MS4A5: variants seen among roughly 807,000 people sequenced by gnomAD.
MS4A5 encodes the protein membrane spanning 4-domains A5.
In MS4A5, 15 loss-of-function variants were observed where a neutral mutation model predicts 18.2. The observed-to-expected ratio is 0.83, with a 90% CI of 0.55 to 1.27. The LOEUF (loss-of-function observed/expected upper bound fraction) is 1.27. MS4A5 is among the 50% of genes most tolerant of loss of function. The pLI is 0.00. For synonymous variants in MS4A5, 89 were observed against 78.7 expected (o/e 1.13, Z -0.69); for missense variants, 232 against 225.7 (o/e 1.03, Z -0.18).
At chr11:60,438,361 G>T (rs2086092232) in intron 4 of MS4A5, among the ~76,000 whole-genome samples, 1 of 152,122 alleles carries the variant, frequency 6.6e-6, no homozygotes, top group Admixed American at 6.5e-5. Context: ...ACAATTAAAA[G>T]AACTAGACAA....
chr11:60,441,541 T>A (rs10897064), intron 4 of MS4A5, among the ~76,000 whole-genome samples: 83,935 of 145,828 alleles, frequency 0.58, 24,386 homozygotes, highest in Middle Eastern at 0.75. Flanking sequence ...AATGGGTATA[T>A]CCTTACTATT....
At chr11:60,435,456 G>A (rs1271276712) in intron 4 of MS4A5, 4 of 427,200 alleles carry the variant, frequency 9.4e-6, no homozygotes, top group Non-Finnish European at 4.6e-6. Flanking sequence ...AACAGCTCCG[G>A]TCTACAGCTC....
At chr11:60,430,955 G>A (rs1482228948) in intron 2 of MS4A5, 31 bp downstream of exon 2, 4 of 1,594,854 alleles carry the variant, frequency 2.5e-6, no homozygotes, top group Non-Finnish European at 3.4e-6. Context: ...TCAATTTGAA[G>A]CCATGCCAAC....
chr11:60,434,790 A>G (rs947753719), intron 4 of MS4A5, among the ~76,000 whole-genome samples: 1 of 152,206 alleles, frequency 6.6e-6, no homozygotes, highest in Non-Finnish European at 1.5e-5. Context: ...CTTCAGACCC[A>G]TTTGCCAGTG....
At chr11:60,441,456 TA>T (rs201729443) in intron 4 of MS4A5, among the ~76,000 whole-genome samples, 22 of 105,842 alleles carry the variant, frequency 2.1e-4, no homozygotes, top group African/African-American at 3.2e-4. Flanking sequence ...AAAAGGCCAT[TA>T]AAAAAAAAAA....
chr11:60,446,807 G>A (rs1035868534), intron 4 of MS4A5, among the ~76,000 whole-genome samples: 7 of 150,142 alleles, frequency 4.7e-5, no homozygotes, highest in Non-Finnish European at 1.0e-4. Flanking sequence ...TGTCTCTTTC[G>A]CTTTCTCTTT....
At chr11:60,446,118 T>C (rs971536238) in intron 4 of MS4A5, among the ~76,000 whole-genome samples, 2 of 151,986 alleles carry the variant, frequency 1.3e-5, no homozygotes, top group African/African-American at 4.8e-5. Context: ...AAAGAGGAAA[T>C]CAATCAGTTC....
At position 60,433,679 on chromosome 11, in the gene MS4A5, C is replaced by T. The variant is rs1020134437; in HGVS notation, c.340-86C>T. 3.7e-6 allele frequency: 5 copies of T among 1,340,078 alleles called. No homozygotes were observed. The African/African-American group carries it at 7.2e-5, about 19-fold the overall frequency. The allele number at this position is 1,340,078 out of a possible 1,614,324, so 83.0% of individuals were successfully genotyped here. On this transcript the variant is annotated intron_variant, in intron 3 of 4. Coordinates refer to ENST00000300190, the MANE Select transcript of MS4A5 (RefSeq NM_023945.3). The stretch of plus-strand genomic sequence containing the variant: ...GGCATTAAGATGCTGTGACTAAAAT[C>T]CTGCTCTCCATTCTCCGCACTCATT...
rs1303689903 is a variant in MS4A5, at chr11:60,436,648, G to A, written c.492+2731G>A. Among the ~76,000 whole-genome samples the A allele has an allele frequency of 4.5e-5, 6 of 134,142 alleles. 1 individual carries two copies. The highest frequency in any genetic ancestry group is 2.4e-4 in the South Asian group (1 of 4,168). 88.0% of individuals were successfully genotyped at this position (134,142 alleles called of 152,430 possible). A position where few individuals can be genotyped will look rare whatever the true frequency, so the allele number is the denominator to read the frequency against. ...ACGCAGAAGCCTCAGGAGTCGATGC[G>A]ATCAACTGGAAGAAAGGGTATCAGC... On this transcript the variant is annotated intron_variant, in intron 4 of 4. Coordinates refer to ENST00000300190, the MANE Select transcript of MS4A5 (RefSeq NM_023945.3).
intron 4 of MS4A5, among the ~76,000 whole-genome samples, chr11:60,441,507 C>T (rs1184261940): frequency 2.4e-5 from 3 of 123,180 alleles, no homozygotes; most frequent in African/African-American, 8.9e-5. Context: ...GTTTTCCAAG[C>T]TGACTTAGAA....
At chr11:60,444,512 A>C (rs770942568) in intron 4 of MS4A5, among the ~76,000 whole-genome samples, 10 of 152,162 alleles carry the variant, frequency 6.6e-5, no homozygotes, top group South Asian at 2.1e-4. Flanking sequence ...TCCTCTCTCT[A>C]TATATATCTC....
In MS4A5 at chr11:60,433,806, A is replaced by C. The variant is rs745999692; in HGVS notation, c.381A>C (p.Gly127=). The C allele has an allele frequency of 1.2e-6, 2 of 1,613,876 alleles. No homozygotes were observed. The highest frequency in any genetic ancestry group is 2.7e-5 in the African/African-American group (2 of 74,932). The change falls in exon 4 of 5, where the codon GGA becomes GGC. Residue 127 remains glycine (G), a synonymous_variant. Transcript: ENST00000300190. ...TAATGAATTTTCTTAGTGCCCTGGG[A>C]GCAATAGCTGGAATCATTCTCCTCA... ...SRIMNFLSAL[G]AIAGIILLTF...
chr11:60,438,694 G>A (rs1433355655), intron 4 of MS4A5, among the ~76,000 whole-genome samples: 2 of 151,744 alleles, frequency 1.3e-5, no homozygotes, highest in African/African-American at 2.4e-5. Context: ...TAAATTCCTC[G>A]ACACATACAC....
intron 4 of MS4A5, among the ~76,000 whole-genome samples, chr11:60,442,703 G>A (rs11230329): frequency 0.29 from 44,691 of 152,072 alleles, 6,726 homozygotes; most frequent in Middle Eastern, 0.5. Flanking sequence ...TGGGCACCCC[G>A]CTGTACAACA....
rs967225492 is a variant in MS4A5 at position 60,432,344 on chromosome 11, T to C, written c.283-67T>C. ...GGCCTGTAAAAGAAATGCATAGAGGTCTATTCTGTAAGAACTCAACATCAG... is the reference window on the plus strand; with the variant it reads ...GGCCTGTAAAAGAAATGCATAGAGGCCTATTCTGTAAGAACTCAACATCAG... On this transcript the variant is annotated intron_variant, in intron 2 of 4. Coordinates refer to ENST00000300190, the MANE Select transcript of MS4A5 (RefSeq NM_023945.3). The C allele has an allele frequency of 9.7e-6, 10 of 1,036,200 alleles. No homozygotes were observed. In the Admixed American group the frequency reaches 1.1e-4, roughly 11 times the overall value. The allele number at this position is 1,036,200 out of a possible 1,614,324, so 64.2% of individuals were successfully genotyped here. A position where few individuals can be genotyped will look rare whatever the true frequency, so the allele number is the denominator to read the frequency against.
intron 4 of MS4A5, among the ~76,000 whole-genome samples, chr11:60,442,616 G>A (rs547118610): frequency 2.0e-5 from 3 of 152,166 alleles, no homozygotes; most frequent in South Asian, 4.2e-4. Flanking sequence ...TGTGTAACCT[G>A]CACGTCCTGC....
At position 60,430,694 on chromosome 11, in the gene MS4A5, G is replaced by A. The variant is rs1011895505; in HGVS notation, c.154-102G>A. The stretch of plus-strand genomic sequence containing the variant: ...TATTATTCTTCCCCTAATTACCAAA[G>A]AGAGTAATTGCCAAATCCTTTTGAC... On this transcript the variant is annotated intron_variant, in intron 1 of 4. Transcript: ENST00000300190. 3.0e-6 allele frequency: 4 copies of A among 1,337,368 alleles called. No homozygotes were observed. The African/African-American group carries it at 5.9e-5, about 20-fold the overall frequency. The allele number at this position is 1,337,368 out of a possible 1,614,324, so 82.8% of individuals were successfully genotyped here. A position where few individuals can be genotyped will look rare whatever the true frequency, so the allele number is the denominator to read the frequency against.
At chr11:60,443,815 A>C (rs2086126106) in intron 4 of MS4A5, among the ~76,000 whole-genome samples, 1 of 152,176 alleles carries the variant, frequency 6.6e-6, no homozygotes, top group Non-Finnish European at 1.5e-5. Flanking sequence ...ATAGCCAAGA[A>C]CATATGAGGA....
chr11:60,438,490 T>G (rs991744751), intron 4 of MS4A5, among the ~76,000 whole-genome samples: 72 of 151,816 alleles, frequency 4.7e-4, no homozygotes, highest in African/African-American at 1.7e-3. Flanking sequence ...CAGGAGCTGG[T>G]TTTTTGAAAG....
Sources: gnomAD v4.1 joint callset for allele counts (sites outside exome capture counted in the v4.1 genomes callset) on GRCh38, gnomAD v4.1.1 for gene constraint, MANE v1.5 for transcripts, NCBI Gene and HGNC (gene_info 2026-07-23, HGNC 2026-07-21) for gene names.